The following PRKCZ variants were observed in gnomAD, a reference collection of about 807,000 sequenced individuals.
PRKCZ encodes the protein protein kinase C zeta.
A neutral mutation model predicts 79.5 loss-of-function variants in PRKCZ; 33 were observed. The ratio of observed to expected loss-of-function variants is 0.41; its 90% CI spans 0.31 to 0.55. The LOEUF (loss-of-function observed/expected upper bound fraction) is 0.55, where lower values mean the gene tolerates loss of function less well. PRKCZ is among the 20% of genes least tolerant of loss of function. PRKCZ has a pLI of 0.19. For missense variants in PRKCZ, 578 were observed against 813.5 expected, an observed-to-expected ratio of 0.71 and a Z score of 3.52; for synonymous variants, 342 against 320.9, an observed-to-expected ratio of 1.07 and a Z score of -0.70.
At chr1:2,156,194 T>A (rs755123242) in intron 10 of PRKCZ, 102 bp downstream of exon 10, 36 of 1,125,196 alleles carry the variant, frequency 3.2e-5, no homozygotes, top group Non-Finnish European at 4.6e-5. Flanking sequence ...TGTAAGGTTC[T>A]CCCAGTTGCT....
At position 2,117,998 on chromosome 1, in the gene PRKCZ, C is replaced by CCTTTTTTTTTTTTTTTTTTTTTTT. The variant is rs58233626; in HGVS notation, c.335-17264_335-17263insCTTTTTTTTTTTTTTTTTTTTTTT. Among the ~76,000 whole-genome samples the CCTTTTTTTTTTTTTTTTTTTTTTT allele has an allele frequency of 2.5e-4, 16 of 65,058 alleles. 7 individuals are homozygous for CCTTTTTTTTTTTTTTTTTTTTTTT. Among genetic ancestry groups the CCTTTTTTTTTTTTTTTTTTTTTTT allele is most frequent in the African/African-American group, 4.9e-4 (8 of 16,166 alleles). 42.7% of individuals were successfully genotyped at this position (65,058 alleles called of 152,430 possible). On this transcript the variant is annotated intron_variant, in intron 4 of 17. Coordinates refer to ENST00000378567, the MANE Select transcript of PRKCZ (RefSeq NM_002744.6). ...TATGAGAGAGATTAGCCTATTATTT[C>CCTTTTTTTTTTTTTTTTTTTTTTT]TTTTTTTTTTTTTTTTGGAGTCTCA...
chr1:2,108,447 C>T (rs533586495), intron 4 of PRKCZ, among the ~76,000 whole-genome samples: 6 of 152,326 alleles, frequency 3.9e-5, no homozygotes, highest in South Asian at 4.1e-4. Flanking sequence ...TGCGTGGGGC[C>T]GTGGCGGCTC....
intron 16 of PRKCZ, among the ~76,000 whole-genome samples, chr1:2,179,564 C>T (rs1251355738): frequency 6.6e-6 from 1 of 152,228 alleles, no homozygotes; most frequent in Non-Finnish European, 1.5e-5. Flanking sequence ...GAGCCACCAC[C>T]TGCTGCCCAA....
At chr1:2,153,399 A>G (rs745979535) in intron 9 of PRKCZ, among the ~76,000 whole-genome samples, 1 of 152,250 alleles carries the variant, frequency 6.6e-6, no homozygotes, top group Non-Finnish European at 1.5e-5. Flanking sequence ...CCGATGGGCC[A>G]CAGAGGGGGT....
chr1:2,117,612 G>T (rs557687385), intron 4 of PRKCZ, among the ~76,000 whole-genome samples: 2 of 152,236 alleles, frequency 1.3e-5, no homozygotes, highest in South Asian at 2.1e-4. Context: ...ACATCCTCTC[G>T]TGCCTGATTT....
intron 4 of PRKCZ, among the ~76,000 whole-genome samples, chr1:2,099,261 C>G (rs1205831872): frequency 6.6e-6 from 1 of 152,218 alleles, no homozygotes; most frequent in Non-Finnish European, 1.5e-5. Context: ...CAGTGCGATG[C>G]AGCTGGCGCT....
intron 4 of PRKCZ, among the ~76,000 whole-genome samples, chr1:2,132,526 C>T (rs1557645170): frequency 6.6e-6 from 1 of 152,190 alleles, no homozygotes; most frequent in Non-Finnish European, 1.5e-5. Context: ...TGTGCCGACC[C>T]CGCAGTGTAG....
chr1:2,154,944 G>C (rs563430309), intron 9 of PRKCZ, among the ~76,000 whole-genome samples: 1 of 152,320 alleles, frequency 6.6e-6, no homozygotes, highest in African/African-American at 2.4e-5. Context: ...TGGGGAATCT[G>C]CTTAGCCCTC....
chr1:2,137,557 C>A (rs1676472025), intron 5 of PRKCZ, among the ~76,000 whole-genome samples: 1 of 151,916 alleles, frequency 6.6e-6, no homozygotes, highest in South Asian at 2.1e-4. Context: ...GCAGAGGAAC[C>A]ACTCACCTCT....
chr1:2,091,768 C>G (rs1475231764), intron 4 of PRKCZ, among the ~76,000 whole-genome samples: 1 of 152,114 alleles, frequency 6.6e-6, no homozygotes, highest in Non-Finnish European at 1.5e-5. Context: ...ACTGATCCCA[C>G]TTGTTCCATG....
Position 2,179,166 on chromosome 1 carries a change from C to T in PRKCZ, c.1575+3853C>T, listed in dbSNP as rs1020553981. Reference sequence around the variant, plus strand: ...GAGGTGGCGCTCATCTTGTCGGGGGCTCCCATGGGCCGTGTCTAGACCCCA... The same window carrying T: ...GAGGTGGCGCTCATCTTGTCGGGGGTTCCCATGGGCCGTGTCTAGACCCCA... On this transcript the variant is annotated intron_variant, in intron 16 of 17. Coordinates refer to ENST00000378567, the MANE Select transcript of PRKCZ (RefSeq NM_002744.6). Among the ~76,000 whole-genome samples, 3 of 152,212 alleles carry T rather than the reference C, an allele frequency of 2.0e-5. No individual in the cohort carries two copies. In the East Asian group the frequency reaches 5.8e-4, roughly 29 times the overall value.
chr1:2,180,359 C>A (rs1486772202), intron 16 of PRKCZ, among the ~76,000 whole-genome samples: 1 of 152,158 alleles, frequency 6.6e-6, no homozygotes, highest in African/African-American at 2.4e-5. Context: ...GACGTGGACA[C>A]CCAGACGATG....
At chr1:2,058,633 C>A (rs1180443083) in intron 3 of PRKCZ, among the ~76,000 whole-genome samples, 2 of 152,126 alleles carry the variant, frequency 1.3e-5, no homozygotes, top group Admixed American at 1.3e-4. Flanking sequence ...CAGTGGCACA[C>A]ACTTGTAATC....
At chr1:2,053,028 T>C (rs1196819129) in intron 1 of PRKCZ, among the ~76,000 whole-genome samples, 2 of 151,928 alleles carry the variant, frequency 1.3e-5, no homozygotes, top group African/African-American at 4.8e-5. Flanking sequence ...CCAGGTGGCC[T>C]GGGCCAGACT....
chr1:2,147,486 A>G (rs1001701197), intron 7 of PRKCZ, among the ~76,000 whole-genome samples: 1 of 147,216 alleles, frequency 6.8e-6, no homozygotes, highest in Admixed American at 6.8e-5. Context: ...CTATCCACAC[A>G]TCTGTTGTCC....
chr1:2,175,051 G>A (rs1289692008), intron 15 of PRKCZ, among the ~76,000 whole-genome samples, 173 bp from the exon 16 acceptor site: 3 of 152,112 alleles, frequency 2.0e-5, no homozygotes, highest in Non-Finnish European at 2.9e-5. Context: ...AAAATGGAAC[G>A]GAGCTTAACG....
At position 2,137,994 on chromosome 1, in the gene PRKCZ, G is replaced by C. The variant is rs531113265; in HGVS notation, c.420+2647G>C. On this transcript the variant is annotated intron_variant, in intron 5 of 17. Transcript: ENST00000378567. ...GGCTGCCCTGCAGTTCAGCCTGTCCGATTCCCGCCTAATTGTGCCCGGGCT... is the reference window on the plus strand; with the variant it reads ...GGCTGCCCTGCAGTTCAGCCTGTCCCATTCCCGCCTAATTGTGCCCGGGCT... Among the ~76,000 whole-genome samples the C allele has an allele frequency of 3.9e-5, 6 of 152,322 alleles. No individual in the cohort carries two copies. In the South Asian group the frequency reaches 6.2e-4, roughly 16 times the overall value.
In PRKCZ at chr1:2,144,323, G is replaced by T; in HGVS notation, c.534G>T (p.Leu178=). ...AGCGCTGCCACGGCCTCGTCCCGCT[G>T]ACCTGCAGGAAGCATATGGTGAGTG... The part of the protein sequence containing the change: ...VHKRCHGLVP[L]TCRKHMDSVM... Residue 178 remains leucine, a synonymous_variant, in exon 6 of 18, where the codon CTG becomes CTT. Transcript: ENST00000378567. The T allele has an allele frequency of 6.3e-7, 1 of 1,575,108 alleles. No individual in the cohort carries two copies. Among genetic ancestry groups the T allele is most frequent in the South Asian group, 1.2e-5 (1 of 85,766 alleles).
intron 4 of PRKCZ, among the ~76,000 whole-genome samples, chr1:2,065,678 CAA>C (rs61017134): frequency 0.013 from 720 of 56,058 alleles, 3 homozygotes; most frequent in African/African-American, 0.042. Context: ...GACTCTGTCT[CAA>C]AAAAAAAAAA....
Sources: allele counts gnomAD v4.1 joint callset (sites outside exome capture counted in the v4.1 genomes callset), GRCh38; gene constraint gnomAD v4.1.1; transcripts MANE v1.5; gene names NCBI Gene and HGNC (gene_info 2026-07-23, HGNC 2026-07-21).